The following MTTP variants were observed in gnomAD, a reference collection of about 807,000 sequenced individuals.
MTTP encodes microsomal triglyceride transfer protein large subunit.
A neutral mutation model predicts 90.6 loss-of-function variants in MTTP; 49 were observed. That is an observed-to-expected ratio of 0.54 (90% CI 0.43 to 0.69). The LOEUF (loss-of-function observed/expected upper bound fraction) is 0.69, where lower values mean the gene tolerates loss of function less well. MTTP is among the 30% of genes least tolerant of loss of function. MTTP has a pLI of 0.00. For synonymous variants in MTTP, 347 were observed against 384.2 expected (o/e 0.90, Z 1.13); for missense variants, 945 against 1,067.5 (o/e 0.89, Z 1.60).
Position 99,611,127 on chromosome 4 carries a change from T to C in MTTP, c.1770-16T>C, listed in dbSNP as rs766075132. 1.8e-4 allele frequency: 292 copies of C among 1,607,058 alleles called. 1 individual carries two copies. Among genetic ancestry groups the C allele is most frequent in the East Asian group, 4.5e-4 (20 of 44,840 alleles). On this transcript the variant is annotated splice_polypyrimidine_tract_variant and intron_variant, in intron 12 of 17. Coordinates refer to ENST00000265517, the MANE Select transcript of MTTP (RefSeq NM_001386140.1). ...TACAATGAATGTGCAGCTTTTTTTT[T>C]CCTCATATGTTGCAGCAAAATTGTC...
intron 2 of MTTP, among the ~76,000 whole-genome samples, chr4:99,582,401 G>A (rs187606224): frequency 6.6e-6 from 1 of 152,260 alleles, no homozygotes; most frequent in African/African-American, 2.4e-5. Flanking sequence ...GGAGAGAAGG[G>A]TCAATAATCC....
At chr4:99,572,592 G>T (rs1222419845), upstream of MTTP, among the ~76,000 whole-genome samples, 1 of 151,958 alleles carries the variant, frequency 6.6e-6, no homozygotes, top group East Asian at 1.9e-4. Flanking sequence ...AAAACGTAAG[G>T]TGATTAACAA....
At chr4:99,606,543 A>G (rs985195976) in intron 10 of MTTP, among the ~76,000 whole-genome samples, 6 of 152,170 alleles carry the variant, frequency 3.9e-5, no homozygotes, top group African/African-American at 1.4e-4. Context: ...TTAAGAATGT[A>G]TATGTATTTT....
At chr4:99,607,287 CTTTG>C (rs375534885) in intron 11 of MTTP, among the ~76,000 whole-genome samples, 2 of 152,136 alleles carry the variant, frequency 1.3e-5, no homozygotes, top group African/African-American at 4.8e-5. Context: ...TTAAGTATAA[CTTTG>C]TTTGTTACTA....
At position 99,583,418 on chromosome 4, in the gene MTTP, G is replaced by C. The variant is rs2306986; in HGVS notation, c.294G>C (p.Glu98Asp). ...NVENVNQQRG[E>D]KSIFKGKSPS... is the part of the protein sequence containing the mutation. ...AAAATGTGAATCAGCAGAGAGGAGA[G>C]AAGAGCATCTTCAAAGGAAAAAGCC... Residue 98 changes from glutamate to aspartate, a missense_variant, in exon 3 of 18, where the codon GAG (glutamate) becomes GAC (aspartate). By Grantham distance (45) the Glu-to-Asp change is conservative (BLOSUM62 2). Transcript: ENST00000265517. 0.051 allele frequency: 82,173 copies of C among 1,613,268 alleles called. 3,733 individuals carry two copies. Among genetic ancestry groups the C allele is most frequent in the East Asian group, 0.21 (9,378 of 44,828 alleles).
chr4:99,594,108 T>C (rs1184166987), intron 6 of MTTP, among the ~76,000 whole-genome samples: 1 of 152,220 alleles, frequency 6.6e-6, no homozygotes, highest in Non-Finnish European at 1.5e-5. Context: ...CATGTCAGAC[T>C]TCTTATGTAG....
intron 3 of MTTP, among the ~76,000 whole-genome samples, chr4:99,588,121 T>G (rs1725301789): frequency 6.6e-6 from 1 of 151,752 alleles, no homozygotes; most frequent in South Asian, 2.1e-4. Flanking sequence ...GACACTTGTT[T>G]GGATAATTCA....
chr4:99,622,747 G>C lies in MTTP; in HGVS notation c.2584G>C (p.Val862Leu). 6.8e-6 allele frequency: 11 copies of C among 1,614,056 alleles called. No individual in the cohort carries two copies. The highest frequency in any genetic ancestry group is 1.1e-5 in the South Asian group (1 of 91,088). The change falls in exon 18 of 18, where the codon GTA (valine) becomes CTA (leucine). Residue 862 changes from valine (V) to leucine (L), a missense_variant. Transcript: ENST00000265517. ...GYVSQKRKESVLAGCEFPLHQ... is the reference protein window; with the variant it reads ...GYVSQKRKESLLAGCEFPLHQ... ...TGTCTCTCAGAAAAGAAAAGAAAGCGTATTAGCAGGATGTGAATTCCCGCT... is the reference window on the plus strand; with the variant it reads ...TGTCTCTCAGAAAAGAAAAGAAAGCCTATTAGCAGGATGTGAATTCCCGCT...
chr4:99,600,423 A>G (rs1018551285), intron 8 of MTTP, 142 bp from the exon 9 acceptor site: 1 of 853,316 alleles, frequency 1.2e-6, no homozygotes. Flanking sequence ...AGAAAGTCTT[A>G]ATCATTTTTT....
chr4:99,612,210 C>T (rs549631037), intron 14 of MTTP, among the ~76,000 whole-genome samples: 1 of 152,152 alleles, frequency 6.6e-6, no homozygotes, highest in South Asian at 2.1e-4. Context: ...AGTACTATGC[C>T]TTTCTGTCCT....
chr4:99,612,745 A>G (rs1373428692), intron 14 of MTTP, among the ~76,000 whole-genome samples, 168 bp from the exon 15 acceptor site: 1 of 152,124 alleles, frequency 6.6e-6, no homozygotes, highest in Non-Finnish European at 1.5e-5. Flanking sequence ...AACCCACCTT[A>G]TATTCAGGCA....
At chr4:99,621,531 A>T (rs2110238595) in intron 17 of MTTP, among the ~76,000 whole-genome samples, 1 of 152,320 alleles carries the variant, frequency 6.6e-6, no homozygotes, top group Non-Finnish European at 1.5e-5. Context: ...GTTGCCACAT[A>T]GTTTCATAAA....
At chr4:99,568,048 A>G (rs1360947750) in intron 1 of MTTP, among the ~76,000 whole-genome samples, 1 of 152,132 alleles carries the variant, frequency 6.6e-6, no homozygotes, top group East Asian at 1.9e-4. Flanking sequence ...AAAATATTAG[A>G]GAACCACATA....
rs1578251400 is a variant in MTTP, at chr4:99,608,853, A to C, written c.1645A>C (p.Asn549His). The change falls in exon 12 of 18, where the codon AAT becomes CAT. Residue 549 changes from asparagine (N) to histidine (H), a missense_variant. Physicochemically the swap from Asn to His is moderately conservative, Grantham distance 68 (BLOSUM62 1). Transcript: ENST00000265517. ...CACTGCTGCAGCTGCTATCATTTTAAATAACAATCCATCCTACATGGACGT... is the reference window on the plus strand; with the variant it reads ...CACTGCTGCAGCTGCTATCATTTTACATAACAATCCATCCTACATGGACGT... The part of the protein sequence containing the change: ...VRTAAAAIIL[N>H]NNPSYMDVKN... 6.2e-7 allele frequency: 1 copy of C among 1,614,180 alleles called. No homozygotes were observed. Among genetic ancestry groups the C allele is most frequent in the Non-Finnish European group, 8.5e-7 (1 of 1,180,020 alleles).
chr4:99,617,697 C>T (rs943235764), intron 15 of MTTP, among the ~76,000 whole-genome samples: 1 of 151,986 alleles, frequency 6.6e-6, no homozygotes, highest in Non-Finnish European at 1.5e-5. Flanking sequence ...GTGCCAACAT[C>T]ACCTCAACTA....
At chr4:99,621,307 C>G (rs763575898) in intron 17 of MTTP, 76 bp downstream of exon 17, 92 of 1,522,386 alleles carry the variant, frequency 6.0e-5, no homozygotes, top group Non-Finnish European at 7.7e-5. Context: ...TTAGAACATT[C>G]AGTTTCAGAA....
Position 99,574,891 on chromosome 4 carries a change from T to C in MTTP, c.-19T>C, listed in dbSNP as rs767346231. On this transcript the variant is annotated 5_prime_UTR_variant, in exon 1 of 18. Coordinates refer to ENST00000265517, the MANE Select transcript of MTTP (RefSeq NM_001386140.1). The stretch of plus-strand genomic sequence containing the variant: ...ACTCCTAGCTGGGCACTGGATGCAG[T>C]TGAGGATTGCTGGTCAATATGATTC... 6.2e-7 allele frequency: 1 copy of C among 1,614,136 alleles called. No homozygotes were observed. Among genetic ancestry groups the C allele is most frequent in the Non-Finnish European group, 8.5e-7 (1 of 1,179,982 alleles).
upstream of MTTP, chr4:99,574,666 GA>G: frequency 6.0e-6 from 5 of 834,056 alleles, no homozygotes; most frequent in Non-Finnish European, 9.4e-6. Flanking sequence ...CTCATTGGGT[GA>G]AAAAAATTAA....
intron 9 of MTTP, among the ~76,000 whole-genome samples, chr4:99,601,200 T>A (rs1725687399): frequency 6.6e-6 from 1 of 152,186 alleles, no homozygotes; most frequent in Non-Finnish European, 1.5e-5. Context: ...ATTGCACTTG[T>A]CTACCTATGA....
Sources: gnomAD v4.1 joint callset for allele counts (sites outside exome capture counted in the v4.1 genomes callset) on GRCh38, gnomAD v4.1.1 for gene constraint, MANE v1.5 for transcripts, NCBI Gene and HGNC (gene_info 2026-07-23, HGNC 2026-07-21) for gene names.